The following ATE1 variants were observed in gnomAD, a reference collection of about 807,000 sequenced individuals.
The protein encoded by ATE1 is arginyltransferase 1.
A neutral mutation model predicts 70.5 loss-of-function variants in ATE1; 36 were observed. That is an observed-to-expected ratio of 0.51 (90% CI 0.39 to 0.67). ATE1 has a LOEUF of 0.67. Ranked by LOEUF, ATE1 falls within the 30% of genes least tolerant of loss-of-function variation. The pLI, the probability that ATE1 is intolerant of heterozygous loss-of-function variation, is 0.00. For synonymous variants in ATE1, 232 were observed against 219.3 expected, an observed-to-expected ratio of 1.06 and a Z score of -0.51; for missense variants, 593 against 629.5, an observed-to-expected ratio of 0.94 and a Z score of 0.62.
chr10:121,873,339 G>C (rs1377832952), intron 7 of ATE1, among the ~76,000 whole-genome samples: 1 of 152,044 alleles, frequency 6.6e-6, no homozygotes, highest in Non-Finnish European at 1.5e-5. Context: ...CCTCTAAAAA[G>C]AAAAAGGATA....
intron 8 of ATE1, among the ~76,000 whole-genome samples, chr10:121,848,243 A>C (rs930297020): frequency 1.3e-5 from 2 of 152,086 alleles, no homozygotes; most frequent in Non-Finnish European, 2.9e-5. Context: ...CCATAACTTC[A>C]ATGTAGTACA....
At chr10:121,822,565 G>C (rs900899282) in intron 10 of ATE1, among the ~76,000 whole-genome samples, 1 of 152,116 alleles carries the variant, frequency 6.6e-6, no homozygotes, top group African/African-American at 2.4e-5. Flanking sequence ...AGAAACTACA[G>C]GTAGGTAAGA....
In ATE1 at chr10:121,812,197, C is replaced by T. The variant is rs901590860; in HGVS notation, c.1258-21908G>A. Among the ~76,000 whole-genome samples, 24 of 152,088 alleles carry T rather than the reference C, an allele frequency of 1.6e-4. 1 individual carries two copies. The highest frequency in any genetic ancestry group is 5.3e-4 in the African/African-American group (22 of 41,460). On this transcript the variant is annotated intron_variant, in intron 10 of 11. Transcript: ENST00000224652. ...TCTGGAACTCGTAAGCTCAGGCGAT[C>T]CACCTGCTTTGGCCTCCCAAAGTGC...
chr10:121,846,474 G>A (rs1948826879), intron 8 of ATE1: 1 of 152,138 alleles, frequency 6.6e-6, no homozygotes, highest in African/African-American at 2.4e-5. Context: ...TTGTATGAAA[G>A]GAGGAAAATG....
At chr10:121,753,068 T>C (rs1944653150) in intron 11 of ATE1, among the ~76,000 whole-genome samples, 2 of 152,258 alleles carry the variant, frequency 1.3e-5, no homozygotes, top group South Asian at 4.1e-4. Flanking sequence ...ATTGCTCTGT[T>C]AAATTTATTC....
At chr10:121,794,817 A>G (rs1481130183) in intron 10 of ATE1, among the ~76,000 whole-genome samples, 1 of 152,302 alleles carries the variant, frequency 6.6e-6, no homozygotes, top group South Asian at 2.1e-4. Flanking sequence ...GATGGGGGTG[A>G]TCGGACATCA....
Position 121,777,124 on chromosome 10 carries a change from C to T in ATE1, c.1378+13045G>A, listed in dbSNP as rs1489846830. ...TAGTCTGAATTTCCCACTTCACATA[C>T]AGTGAAACTGAGGCTGAGAAGTTGT... On this transcript the variant is annotated intron_variant, in intron 11 of 11. Coordinates refer to ENST00000224652, the MANE Select transcript of ATE1 (RefSeq NM_001001976.3). Among the ~76,000 whole-genome samples, 4 of 152,208 alleles carry T rather than the reference C, an allele frequency of 2.6e-5. No individual in the cohort carries two copies. The East Asian group carries it at 5.8e-4, about 22-fold the overall frequency.
At chr10:121,794,260 G>A (rs1478570277) in intron 10 of ATE1, among the ~76,000 whole-genome samples, 1 of 152,006 alleles carries the variant, frequency 6.6e-6, no homozygotes. Flanking sequence ...CTCTTCATTT[G>A]TAGAATTTTC....
At chr10:121,872,980 A>C (rs556145795) in intron 7 of ATE1, among the ~76,000 whole-genome samples, 1 of 152,294 alleles carries the variant, frequency 6.6e-6, no homozygotes, top group South Asian at 2.1e-4. Flanking sequence ...GATTCTGCAG[A>C]TGGGCATATA....
chr10:121,848,284 GTTCATTCA>G (rs59186969), intron 8 of ATE1, among the ~76,000 whole-genome samples: 33,014 of 150,080 alleles, frequency 0.22, 4,058 homozygotes, highest in African/African-American at 0.35. Flanking sequence ...TCTAATGTGC[GTTCATTCA>G]TTCATTCATT....
chr10:121,770,734 T>TAAA (rs57921362), intron 11 of ATE1, among the ~76,000 whole-genome samples: 4 of 140,836 alleles, frequency 2.8e-5, no homozygotes, highest in African/African-American at 5.2e-5. Context: ...TTTCCTTAAC[T>TAAA]AAAAAAAAAA....
chr10:121,818,103 A>G (rs1263065821), intron 10 of ATE1, among the ~76,000 whole-genome samples: 1 of 151,946 alleles, frequency 6.6e-6, no homozygotes, highest in Admixed American at 6.6e-5. Flanking sequence ...GTCTCTAGAA[A>G]AAATACAAAA....
In ATE1 at chr10:121,915,915, A is replaced by AG. The variant is rs1951634695; in HGVS notation, c.234-2023_234-2022insC. Among the ~76,000 whole-genome samples, 4 of 148,110 alleles carry AG rather than the reference A, an allele frequency of 2.7e-5. No individual in the cohort carries two copies. The East Asian group carries it at 6.0e-4, about 22-fold the overall frequency. On this transcript the variant is annotated intron_variant, in intron 3 of 11. Transcript: ENST00000224652. Reference sequence around the variant, plus strand: ...CAAAAAAAAAACAAAACAAAACAAAACAAAAAAAAACAAGAAAAAGAGAAG... The same window carrying AG: ...CAAAAAAAAAACAAAACAAAACAAAAGCAAAAAAAAACAAGAAAAAGAGAAG...
chr10:121,779,422 T>C (rs944214937), intron 11 of ATE1, among the ~76,000 whole-genome samples: 4 of 152,168 alleles, frequency 2.6e-5, no homozygotes, highest in African/African-American at 9.7e-5. Context: ...CCTGCTTCAA[T>C]GGAAAGAGAA....
At chr10:121,928,280 C>G (rs1009386907), upstream of ATE1, 5 of 1,480,676 alleles carry the variant, frequency 3.4e-6, no homozygotes, top group Non-Finnish European at 4.5e-6. Context: ...CGAGCCTGCC[C>G]TTTCCCCCGC....
At chr10:121,788,438 G>A (rs373718299) in intron 11 of ATE1, among the ~76,000 whole-genome samples, 7 of 152,288 alleles carry the variant, frequency 4.6e-5, no homozygotes, top group African/African-American at 1.2e-4. Flanking sequence ...TCGTCATCAG[G>A]TTCTAAGGTA....
At chr10:121,816,528 C>T (rs1008191172) in intron 10 of ATE1, among the ~76,000 whole-genome samples, 2 of 152,140 alleles carry the variant, frequency 1.3e-5, no homozygotes, top group African/African-American at 4.8e-5. Flanking sequence ...CCCTTTTTGT[C>T]CTTCTGCCCC....
intron 10 of ATE1, among the ~76,000 whole-genome samples, chr10:121,815,752 G>A (rs939735879): frequency 2.0e-5 from 3 of 152,158 alleles, no homozygotes; most frequent in African/African-American, 4.8e-5. Context: ...CCACAGAAGC[G>A]CTGCAACCGT....
chr10:121,900,073 C>T (rs1950921952), intron 6 of ATE1, 79 bp from the exon 7 acceptor site: 1 of 1,436,538 alleles, frequency 7.0e-7, no homozygotes, highest in Non-Finnish European at 9.4e-7. Context: ...AGAGTAACTC[C>T]CATCCAAGAA....
Sources: gnomAD v4.1 joint callset for allele counts (sites outside exome capture counted in the v4.1 genomes callset) on GRCh38, gnomAD v4.1.1 for gene constraint, MANE v1.5 for transcripts, NCBI Gene and HGNC (gene_info 2026-07-23, HGNC 2026-07-21) for gene names.